MSRA: variants seen among roughly 807,000 people sequenced by gnomAD.
MSRA encodes the protein mitochondrial peptide methionine sulfoxide reductase.
MSRA carries 54 observed loss-of-function variants against 31.3 expected under a neutral mutation model. That is an observed-to-expected ratio of 1.73 (90% CI 1.39 to 2.17). The LOEUF is 2.17. Among genes scored for constraint, MSRA ranks in the 30% most tolerant of loss-of-function variants. The probability of loss-of-function intolerance (pLI) is 0.00; values close to 1 mark genes in which losing one functional copy is unlikely to be tolerated. For missense variants in MSRA, 507 were observed against 300.9 expected (o/e 1.69, Z -5.07); for synonymous variants, 169 against 116.5 (o/e 1.45, Z -2.90).
At chr8:10,258,491 C>A (rs533316851) in intron 3 of MSRA, among the ~76,000 whole-genome samples, 1 of 152,248 alleles carries the variant, frequency 6.6e-6, no homozygotes, top group African/African-American at 2.4e-5. Context: ...TGGAGCAGGC[C>A]TTGCTCTCAA....
At chr8:10,393,958 C>T (rs998742846) in intron 5 of MSRA, among the ~76,000 whole-genome samples, 4 of 152,138 alleles carry the variant, frequency 2.6e-5, no homozygotes, top group African/African-American at 9.7e-5. Context: ...CACAGCCATC[C>T]CCCAGGCCTT....
intron 4 of MSRA, among the ~76,000 whole-genome samples, chr8:10,305,450 G>A (rs545732282): frequency 1.8e-4 from 23 of 129,568 alleles, no homozygotes; most frequent in Non-Finnish European, 3.3e-4. Context: ...GTCTTGCTCT[G>A]TTGCCTAGGC....
At chr8:10,324,742 C>T (rs935605363) in intron 5 of MSRA, among the ~76,000 whole-genome samples, 2 of 152,118 alleles carry the variant, frequency 1.3e-5, no homozygotes, top group African/African-American at 4.8e-5. Flanking sequence ...GAATAAGGGG[C>T]AGAGAGACTG....
intron 1 of MSRA, chr8:10,095,604 GAAAA>G (rs879623928): frequency 6.1e-6 from 6 of 987,082 alleles, no homozygotes; most frequent in Non-Finnish European, 7.2e-6. Context: ...GCTGAGGAAA[GAAAA>G]AAAGGCAAGA....
chr8:10,419,215 G>A (rs1450025001), intron 5 of MSRA, among the ~76,000 whole-genome samples: 5 of 152,122 alleles, frequency 3.3e-5, no homozygotes, highest in Non-Finnish European at 5.9e-5. Flanking sequence ...CTCACGTGTC[G>A]CAGGACAGAA....
chr8:10,294,944 T>C (rs1369076273), intron 3 of MSRA, among the ~76,000 whole-genome samples: 1 of 152,006 alleles, frequency 6.6e-6, no homozygotes, highest in Non-Finnish European at 1.5e-5. Flanking sequence ...GAGAAAAACC[T>C]GGATTGAATA....
chr8:10,184,099 G>T (rs1806805699), intron 1 of MSRA, among the ~76,000 whole-genome samples: 6 of 151,650 alleles, frequency 4.0e-5, no homozygotes, highest in Admixed American at 2.0e-4. Context: ...GAGTGGTAGT[G>T]TTGATGGTCT....
chr8:10,344,543 C>T (rs570674361), intron 5 of MSRA, among the ~76,000 whole-genome samples: 5 of 137,496 alleles, frequency 3.6e-5, no homozygotes, highest in South Asian at 2.4e-4. Flanking sequence ...CACTGACACT[C>T]CAGCCTGGGT....
chr8:10,151,836 G>C (rs979242080), intron 1 of MSRA, among the ~76,000 whole-genome samples: 1 of 152,132 alleles, frequency 6.6e-6, no homozygotes, highest in Admixed American at 6.5e-5. Context: ...TTGATGAGAA[G>C]GCCATGTCTC....
At chr8:10,073,645 A>G (rs773369828) in intron 1 of MSRA, among the ~76,000 whole-genome samples, 1 of 151,964 alleles carries the variant, frequency 6.6e-6, no homozygotes, top group Non-Finnish European at 1.5e-5. Flanking sequence ...CTAATTGGCT[A>G]AGACCTAGAG....
intron 3 of MSRA, among the ~76,000 whole-genome samples, chr8:10,284,212 A>G (rs1441840885): frequency 1.3e-5 from 2 of 152,064 alleles, no homozygotes; most frequent in African/African-American, 4.8e-5. Context: ...TTTTTGAGAC[A>G]GAGTTTTACT....
At chr8:10,269,454 G>A (rs955702346) in intron 3 of MSRA, among the ~76,000 whole-genome samples, 7 of 152,244 alleles carry the variant, frequency 4.6e-5, no homozygotes, top group Non-Finnish European at 1.0e-4. Context: ...CTGTAGGGCT[G>A]AGGCAACACT....
intron 1 of MSRA, among the ~76,000 whole-genome samples, chr8:10,194,318 G>A (rs1314413343): frequency 6.6e-6 from 1 of 152,176 alleles, no homozygotes; most frequent in East Asian, 1.9e-4. Context: ...TGTAATCCCA[G>A]CACTTTGGGA....
chr8:10,356,889 TA>T (rs869099944), intron 5 of MSRA, among the ~76,000 whole-genome samples: 322 of 105,130 alleles, frequency 3.1e-3, no homozygotes, highest in African/African-American at 8.6e-3. Flanking sequence ...CCTTGCCCAT[TA>T]AAAAAAAAAA....
chr8:10,375,509 AG>A (rs1449653492), intron 5 of MSRA, among the ~76,000 whole-genome samples: 1 of 152,172 alleles, frequency 6.6e-6, no homozygotes, highest in Non-Finnish European at 1.5e-5. Context: ...CGAGAAGAAC[AG>A]GGGTAGGGCT....
intron 1 of MSRA, among the ~76,000 whole-genome samples, chr8:10,128,290 A>C (rs958593834): frequency 6.6e-6 from 1 of 152,010 alleles, no homozygotes; most frequent in Non-Finnish European, 1.5e-5. Flanking sequence ...GAAGCAGGAG[A>C]ATCACTTGAA....
chr8:10,066,092 G>A (rs528462847), intron 1 of MSRA, among the ~76,000 whole-genome samples: 4 of 151,592 alleles, frequency 2.6e-5, no homozygotes, highest in African/African-American at 4.8e-5. Flanking sequence ...GCATGATCTC[G>A]GCTCACTGCA....
rs531194811 is a variant in MSRA at position 10,409,138 on chromosome 8, C to G, written c.544-19010C>G. ...TTCTATTTTTAGTTCTTTGAGAAAT[C>G]TCCATACTGTTTTCCGTAGAGGTTG... On this transcript the variant is annotated intron_variant, in intron 5 of 5. Transcript: ENST00000317173. 1.6e-4 allele frequency among the ~76,000 whole-genome samples: 24 copies of G among 152,338 alleles called. No homozygotes were observed. In the East Asian group the frequency reaches 4.6e-3, roughly 29 times the overall value.
chr8:10,348,468 C>T (rs1444705945), intron 5 of MSRA, among the ~76,000 whole-genome samples: 1 of 128,554 alleles, frequency 7.8e-6, no homozygotes, highest in African/African-American at 2.9e-5. Context: ...CTCCTGTGTT[C>T]AAGCAGTTCT....
Sources: gnomAD v4.1 joint callset for allele counts (sites outside exome capture counted in the v4.1 genomes callset) on GRCh38, gnomAD v4.1.1 for gene constraint, MANE v1.5 for transcripts, NCBI Gene and HGNC (gene_info 2026-07-23, HGNC 2026-07-21) for gene names.